The following UEVLD variants were observed in gnomAD, a reference collection of about 807,000 sequenced individuals.
The protein encoded by UEVLD is UEV and lactate/malate dehyrogenase domains, also known as ubiquitin-conjugating enzyme E2 variant 3.
A neutral mutation model predicts 58.6 loss-of-function variants in UEVLD; 47 were observed. That is an observed-to-expected ratio of 0.80 (90% CI 0.63 to 1.02). UEVLD has a LOEUF of 1.02. Ranked by LOEUF, UEVLD falls within the 50% of genes least tolerant of loss-of-function variation. The pLI, the probability that UEVLD is intolerant of heterozygous loss-of-function variation, is 0.00. For missense variants in UEVLD, 510 were observed against 550.6 expected (o/e 0.93, Z 0.74); for synonymous variants, 197 against 195.3 (o/e 1.01, Z -0.07).
At chr11:18,578,280 C>T (rs1853040985) in intron 2 of UEVLD, among the ~76,000 whole-genome samples, 3 of 152,218 alleles carry the variant, frequency 2.0e-5, no homozygotes, top group African/African-American at 7.2e-5. Flanking sequence ...TGCAACACTG[C>T]TGGCTCTGAA....
chr11:18,544,441 G>A (rs563177930), intron 9 of UEVLD, among the ~76,000 whole-genome samples, 182 bp downstream of exon 9: 53 of 152,174 alleles, frequency 3.5e-4, no homozygotes, highest in African/African-American at 1.2e-3. Context: ...CTGAGTAACT[G>A]GGACTACAGG....
At chr11:18,539,012 G>C (rs1850938720) in intron 9 of UEVLD, 1 of 149,818 alleles carries the variant, frequency 6.7e-6, no homozygotes, top group Non-Finnish European at 1.5e-5. Context: ...CCTGGCAACA[G>C]AGCGAGACTC....
At chr11:18,555,913 C>A (rs1050899314) in intron 7 of UEVLD, among the ~76,000 whole-genome samples, 10 of 152,102 alleles carry the variant, frequency 6.6e-5, no homozygotes, top group Admixed American at 5.2e-4. Context: ...GGCACCGCTG[C>A]ACTCCAGCTT....
At chr11:18,544,849 T>C in intron 8 of UEVLD, 53 bp from the exon 9 acceptor site, 1 of 1,334,238 alleles carries the variant, frequency 7.5e-7, no homozygotes, top group Non-Finnish European at 1.0e-6. Context: ...TATATACTTC[T>C]AGCCTAGCTC....
intron 6 of UEVLD, 35 bp from the exon 7 acceptor site, chr11:18,558,365 T>C (rs113463971): frequency 7.1e-7 from 1 of 1,398,742 alleles, no homozygotes; most frequent in Non-Finnish European, 9.9e-7. Context: ...ACACTGAACA[T>C]GGCCAGTGAC....
intron 2 of UEVLD, among the ~76,000 whole-genome samples, chr11:18,577,262 A>G (rs987532572): frequency 3.9e-5 from 6 of 152,198 alleles, no homozygotes; most frequent in Non-Finnish European, 5.9e-5. Context: ...ACAAAAAAAC[A>G]TTATCGCATG....
chr11:18,546,983 C>A lies in UEVLD; in HGVS notation c.783G>T (p.Ser261=). The change falls in exon 8 of 12, where the codon TCG becomes TCT. Residue 261 remains serine (S), a synonymous_variant. Transcript: ENST00000396197. The stretch of plus-strand genomic sequence containing the variant: ...CATTGCTCTGTACCACATCAAGGTA[C>A]GACTGAGAACTACCCAAAGAGTTGA... ...FTVNSLGSSQ[S]YLDVVQSNVD... 1.2e-6 allele frequency: 2 copies of A among 1,614,008 alleles called. No homozygotes were observed. Among genetic ancestry groups the A allele is most frequent in the Non-Finnish European group, 1.7e-6 (2 of 1,179,992 alleles).
chr11:18,570,936 T>C (rs1466486355), intron 3 of UEVLD, among the ~76,000 whole-genome samples: 1 of 81,612 alleles, frequency 1.2e-5, no homozygotes, highest in Non-Finnish European at 2.1e-5. Flanking sequence ...CCACCCTGCC[T>C]CTCAAAAAAA....
Position 18,546,898 on chromosome 11 carries a change from G to A in UEVLD, c.868C>T (p.Leu290Phe), listed in dbSNP as rs757558292. 4 of 1,613,524 alleles carry A rather than the reference G, an allele frequency of 2.5e-6. No individual in the cohort carries two copies. Among genetic ancestry groups the A allele is most frequent in the Admixed American group, 3.3e-5 (2 of 59,842 alleles). ...ATTTTACCTGGTTGAGATGCAACGAGCAGGACACTGTGTTGACTATAATGT... is the reference window on the plus strand; with the variant it reads ...ATTTTACCTGGTTGAGATGCAACGAACAGGACACTGTGTTGACTATAATGT... ...LGHYSQHSVL[L>F]VASQPVEIMT... The change falls in exon 8 of 12, where the codon CTC becomes TTC. Residue 290 changes from leucine (L) to phenylalanine (F), a missense_variant. Coordinates refer to ENST00000396197, the MANE Select transcript of UEVLD (RefSeq NM_001040697.4).
At chr11:18,545,816 A>G (rs1851284275) in intron 8 of UEVLD, among the ~76,000 whole-genome samples, 1 of 152,214 alleles carries the variant, frequency 6.6e-6, no homozygotes, top group Non-Finnish European at 1.5e-5. Context: ...AGTGAGGATA[A>G]AAACTGGTAC....
intron 4 of UEVLD, among the ~76,000 whole-genome samples, chr11:18,568,228 C>A (rs1423602138): frequency 6.6e-6 from 1 of 152,106 alleles, no homozygotes; most frequent in Non-Finnish European, 1.5e-5. Flanking sequence ...TAAAATTAAA[C>A]ACAACTTTCA....
chr11:18,578,202 T>C (rs1170336467), intron 2 of UEVLD, among the ~76,000 whole-genome samples: 1 of 152,162 alleles, frequency 6.6e-6, no homozygotes, highest in East Asian at 1.9e-4. Flanking sequence ...CATTGGTCCT[T>C]AAAAGCAGAG....
Position 18,532,105 on chromosome 11 carries a change from T to C in UEVLD, c.*215A>G. On this transcript the variant is annotated 3_prime_UTR_variant, in exon 12 of 12. Coordinates refer to ENST00000396197, the MANE Select transcript of UEVLD (RefSeq NM_001040697.4). ...CTGTAGATTTAAAGAACAGCATAGA[T>C]ATCTCAAGAACCCCAAATAAAATTA... 2.7e-6 allele frequency: 1 copy of C among 376,858 alleles called. No homozygotes were observed. The highest frequency in any genetic ancestry group is 4.7e-6 in the Non-Finnish European group (1 of 213,070). 23.3% of individuals were successfully genotyped at this position (376,858 alleles called of 1,614,324 possible).
chr11:18,566,320 G>A, intron 5 of UEVLD, 27 bp downstream of exon 5: 1 of 1,612,724 alleles, frequency 6.2e-7, no homozygotes, highest in Non-Finnish European at 8.5e-7. Flanking sequence ...TAACTCTCAA[G>A]ATAATCTGCC....
At chr11:18,547,355 G>A (rs1200842822) in intron 7 of UEVLD, among the ~76,000 whole-genome samples, 1 of 152,106 alleles carries the variant, frequency 6.6e-6, no homozygotes, top group African/African-American at 2.4e-5. Flanking sequence ...GTGAAACCCT[G>A]TCTCTACTAA....
intron 11 of UEVLD, 70 bp from the exon 12 acceptor site, chr11:18,532,557 T>G: frequency 7.9e-7 from 1 of 1,271,352 alleles, no homozygotes; most frequent in African/African-American, 1.5e-5. Context: ...AAATGCATAC[T>G]TTCTTGCTTT....
At chr11:18,550,783 A>T (rs1851490609) in intron 7 of UEVLD, among the ~76,000 whole-genome samples, 1 of 152,206 alleles carries the variant, frequency 6.6e-6, no homozygotes, top group Non-Finnish European at 1.5e-5. Flanking sequence ...AGAGTCTTCC[A>T]TTTCTATCAA....
At chr11:18,534,731 T>C (rs1311561373) in intron 10 of UEVLD, among the ~76,000 whole-genome samples, 2 of 152,218 alleles carry the variant, frequency 1.3e-5, no homozygotes, top group Non-Finnish European at 1.5e-5. Context: ...TAAATACCAA[T>C]TTGCCTATCG....
rs912976892 is a variant in UEVLD, at chr11:18,529,649, T to C, written c.*2671A>G. On this transcript the variant is annotated 3_prime_UTR_variant, in exon 12 of 12. Transcript: ENST00000396197. The stretch of plus-strand genomic sequence containing the variant: ...TTTATTTTACTCATTATTCTTAATA[T>C]TTAAGGAAAACAATGTAAAATGGGA... The C allele has an allele frequency of 6.6e-6, 1 of 152,158 alleles. No homozygotes were observed. Among genetic ancestry groups the C allele is most frequent in the Admixed American group, 6.5e-5 (1 of 15,274 alleles). The allele number at this position is 152,158 out of a possible 1,614,324, so 9.4% of individuals were successfully genotyped here.
Sources: gnomAD v4.1 joint callset for allele counts (sites outside exome capture counted in the v4.1 genomes callset) on GRCh38, gnomAD v4.1.1 for gene constraint, MANE v1.5 for transcripts, NCBI Gene and HGNC (gene_info 2026-07-23, HGNC 2026-07-21) for gene names.